APAF1: variants seen among roughly 807,000 people sequenced by gnomAD.
APAF1 encodes apoptotic protease-activating factor 1.
In APAF1, 91 loss-of-function variants were observed where a neutral mutation model predicts 152.4. The ratio of observed to expected loss-of-function variants is 0.60; its 90% CI spans 0.50 to 0.71. The LOEUF (loss-of-function observed/expected upper bound fraction) is 0.71, where lower values mean the gene tolerates loss of function less well. APAF1 is among the 30% of genes least tolerant of loss of function. APAF1 has a pLI of 0.00. For synonymous variants in APAF1, 484 were observed against 494.1 expected, an observed-to-expected ratio of 0.98 and a Z score of 0.27; for missense variants, 1,283 against 1,472.0, an observed-to-expected ratio of 0.87 and a Z score of 2.10.
chr12:98,702,563 A>G (rs897601783), intron 17 of APAF1, among the ~76,000 whole-genome samples: 2 of 151,548 alleles, frequency 1.3e-5, no homozygotes, highest in African/African-American at 4.9e-5. Flanking sequence ...GGTGGCTCAC[A>G]CCGGTAATCC....
chr12:98,649,321 G>A (rs1206292802), intron 3 of APAF1, 166 bp from the exon 4 acceptor site: 2 of 831,054 alleles, frequency 2.4e-6, no homozygotes, highest in Non-Finnish European at 1.5e-6. Flanking sequence ...GCTCTCTGTT[G>A]TCTGAGAAAT....
At chr12:98,669,879 C>T in intron 10 of APAF1, among the ~76,000 whole-genome samples, 1 of 139,932 alleles carries the variant, frequency 7.1e-6, no homozygotes, top group Non-Finnish European at 1.6e-5. Flanking sequence ...TCCCTCCCTT[C>T]CCCTCCCCTC....
At chr12:98,696,331 A>G (rs939031396) in intron 16 of APAF1, among the ~76,000 whole-genome samples, 3 of 152,214 alleles carry the variant, frequency 2.0e-5, no homozygotes, top group Non-Finnish European at 1.5e-5. Context: ...AGCGAAACCC[A>G]GGAAGCCAGA....
intron 22 of APAF1, among the ~76,000 whole-genome samples, chr12:98,718,849 G>A (rs143871220): frequency 4.5e-4 from 68 of 152,102 alleles, no homozygotes; most frequent in African/African-American, 1.5e-3. Flanking sequence ...TTGGAGGATC[G>A]CTTGAGCCTA....
chr12:98,679,353 G>A (rs1425537554), intron 13 of APAF1, among the ~76,000 whole-genome samples: 1 of 152,130 alleles, frequency 6.6e-6, no homozygotes. Context: ...GCCTAGCAGA[G>A]AGGAGCTACC....
chr12:98,724,172 T>C (rs1465321748), intron 24 of APAF1, among the ~76,000 whole-genome samples: 1 of 152,210 alleles, frequency 6.6e-6, no homozygotes, highest in Non-Finnish European at 1.5e-5. Context: ...CTCTCTTCTC[T>C]CCTTTTTTCT....
At chr12:98,646,283 T>A (rs144469589) in intron 1 of APAF1, among the ~76,000 whole-genome samples, 1 of 152,344 alleles carries the variant, frequency 6.6e-6, no homozygotes, top group East Asian at 1.9e-4. Flanking sequence ...AAGGAACATT[T>A]TATGTTTAAG....
intron 18 of APAF1, among the ~76,000 whole-genome samples, chr12:98,703,893 A>G (rs1301397599): frequency 6.6e-6 from 1 of 152,234 alleles, no homozygotes; most frequent in Non-Finnish European, 1.5e-5. Context: ...AAATGAGTCC[A>G]GTTCAGATTT....
At chr12:98,674,573 C>T (rs1378333780) in intron 12 of APAF1, among the ~76,000 whole-genome samples, 1 of 152,114 alleles carries the variant, frequency 6.6e-6, no homozygotes, top group Non-Finnish European at 1.5e-5. Context: ...TATCTGTTTA[C>T]TTGGTTTTCT....
intron 15 of APAF1, among the ~76,000 whole-genome samples, chr12:98,684,660 A>G (rs1234074928): frequency 6.6e-6 from 1 of 152,178 alleles, no homozygotes; most frequent in Non-Finnish European, 1.5e-5. Context: ...AGAGTAATGT[A>G]GTAACATAAA....
intron 16 of APAF1, among the ~76,000 whole-genome samples, chr12:98,694,064 T>C (rs2097707247): frequency 6.6e-6 from 1 of 152,194 alleles, no homozygotes; most frequent in African/African-American, 2.4e-5. Context: ...CTGGGATAAC[T>C]GGCTAGCCAT....
At chr12:98,650,922 A>G (rs1231758860) in intron 4 of APAF1, among the ~76,000 whole-genome samples, 2 of 152,182 alleles carry the variant, frequency 1.3e-5, no homozygotes, top group Non-Finnish European at 2.9e-5. Context: ...ATTCCAATTT[A>G]TAGGTTTAAA....
chr12:98,702,494 T>C (rs573667915), intron 17 of APAF1, among the ~76,000 whole-genome samples: 1 of 152,234 alleles, frequency 6.6e-6, no homozygotes, highest in African/African-American at 2.4e-5. Context: ...GCAAAAACTT[T>C]GGAAGAGTAT....
chr12:98,675,669 G>A (rs1407982531), intron 12 of APAF1, among the ~76,000 whole-genome samples: 2 of 152,204 alleles, frequency 1.3e-5, no homozygotes, highest in Non-Finnish European at 2.9e-5. Context: ...ACAGGAGGAT[G>A]TGGTGGGTTA....
At chr12:98,682,212 C>G (rs994717575) in intron 14 of APAF1, among the ~76,000 whole-genome samples, 2 of 152,086 alleles carry the variant, frequency 1.3e-5, no homozygotes, top group African/African-American at 4.8e-5. Flanking sequence ...CGCCACCGCG[C>G]CTGGCTAATT....
intron 16 of APAF1, among the ~76,000 whole-genome samples, chr12:98,688,516 G>T (rs1246548714): frequency 6.8e-6 from 1 of 147,620 alleles, no homozygotes; most frequent in Non-Finnish European, 1.5e-5. Flanking sequence ...CTTTCACTCA[G>T]GCTGGAGTGC....
At position 98,715,433 on chromosome 12, in the gene APAF1, G is replaced by T. The variant is rs746515411; in HGVS notation, c.2965G>T (p.Glu989Ter). The stretch of plus-strand genomic sequence containing the variant: ...GTGTTTTTCTGCTTTGAAGATTTTA[G>T]AACTTGTAAACAATAGAATCTTCCA... ...GDENGAIEIL[E>*]LVNNRIFQSR... The change falls in exon 22 of 27, where the codon GAA becomes TAA. Residue 989 changes from glutamate to a stop codon, truncating the protein, a stop_gained. Transcript: ENST00000551964. LOFTEE classifies it high-confidence loss of function. 1.2e-6 allele frequency: 2 copies of T among 1,612,876 alleles called. No homozygotes were observed. The highest frequency in any genetic ancestry group is 1.7e-6 in the Non-Finnish European group (2 of 1,179,538).
At chr12:98,651,202 CTTA>C (rs2097648519) in intron 4 of APAF1, among the ~76,000 whole-genome samples, 1 of 152,160 alleles carries the variant, frequency 6.6e-6, no homozygotes, top group African/African-American at 2.4e-5. Flanking sequence ...TAGTTCACGG[CTTA>C]TTATAGTAGA....
At chr12:98,692,678 G>A (rs190702460) in intron 16 of APAF1, among the ~76,000 whole-genome samples, 106 of 152,250 alleles carry the variant, frequency 7.0e-4, no homozygotes, top group Admixed American at 1.2e-3. Context: ...AATTTGCTTA[G>A]GATAATGGCC....
Sources: gnomAD v4.1 joint callset for allele counts (sites outside exome capture counted in the v4.1 genomes callset) on GRCh38, gnomAD v4.1.1 for gene constraint, MANE v1.5 for transcripts, NCBI Gene and HGNC (gene_info 2026-07-23, HGNC 2026-07-21) for gene names.